The following SYNPO2 variants were observed in gnomAD, a reference collection of about 807,000 sequenced individuals.
The protein encoded by SYNPO2 is synaptopodin 2.
Under a neutral mutation model 85.0 loss-of-function variants are expected in SYNPO2, and 56 were observed. That is an observed-to-expected ratio of 0.66 (90% CI 0.53 to 0.82). The LOEUF (loss-of-function observed/expected upper bound fraction) is 0.82, where lower values mean the gene tolerates loss of function less well. Ranked by LOEUF, SYNPO2 falls within the 40% of genes least tolerant of loss-of-function variation. The pLI is 0.00. For synonymous variants in SYNPO2, 602 were observed against 591.1 expected, an observed-to-expected ratio of 1.02 and a Z score of -0.27; for missense variants, 1,575 against 1,534.2, an observed-to-expected ratio of 1.03 and a Z score of -0.44.
At position 119,030,486 on chromosome 4, in the gene SYNPO2, A is replaced by G; in HGVS notation, c.1711A>G (p.Ser571Gly). The G allele has an allele frequency of 6.2e-7, 1 of 1,614,100 alleles. No individual in the cohort carries two copies. ...LGHVPQQNGF[S>G]GTSETANIQR... is the part of the protein sequence containing the mutation. ...CCATGTTCCCCAACAGAATGGCTTC[A>G]GTGGGACATCTGAGACAGCAAACAT... is the stretch of plus-strand genomic sequence containing the variant. Residue 571 changes from serine (S) to glycine (G), a missense_variant, in exon 4 of 5, where the codon AGT becomes GGT. This residue lies in a region of SYNPO2 where 1,508 missense variants were observed against 1,446.8 expected (regional missense o/e 1.04). Coordinates refer to ENST00000307142, the MANE Select transcript of SYNPO2 (RefSeq NM_133477.3).
At chr4:118,903,913 TCA>T (rs1363767551) in intron 1 of SYNPO2, among the ~76,000 whole-genome samples, 1 of 152,112 alleles carries the variant, frequency 6.6e-6, no homozygotes, top group African/African-American at 2.4e-5. Flanking sequence ...ACAAGGGGTT[TCA>T]CCATGTTGGC....
In SYNPO2 at chr4:119,031,823, T is replaced by A. The variant is rs1219015608; in HGVS notation, c.3048T>A (p.Pro1016=). 1.2e-6 allele frequency: 2 copies of A among 1,614,080 alleles called. No individual in the cohort carries two copies. The highest frequency in any genetic ancestry group is 2.7e-5 in the African/African-American group (2 of 74,942). ...LPPRPVNAAS[P]TNVQASSVYS... is the part of the protein sequence containing the mutation. ...CCCGGCCAGTGAATGCTGCCTCACC[T>A]ACGAATGTGCAGGCTTCGTCAGTGT... Residue 1016 remains proline (P), a synonymous_variant, in exon 4 of 5, where the codon CCT becomes CCA. Coordinates refer to ENST00000307142, the MANE Select transcript of SYNPO2 (RefSeq NM_133477.3).
At chr4:118,914,637 A>G (rs1396900463) in intron 1 of SYNPO2, among the ~76,000 whole-genome samples, 1 of 152,132 alleles carries the variant, frequency 6.6e-6, no homozygotes, top group African/African-American at 2.4e-5. Context: ...GATGGAAGCC[A>G]CATAATAGTT....
chr4:118,925,512 A>G (rs1344239666), intron 1 of SYNPO2, among the ~76,000 whole-genome samples: 1 of 152,132 alleles, frequency 6.6e-6, no homozygotes, highest in East Asian at 1.9e-4. Flanking sequence ...CCAGGTCTGC[A>G]GAGCTTGTGA....
At chr4:118,907,868 C>T (rs1160741404) in intron 1 of SYNPO2, among the ~76,000 whole-genome samples, 1 of 152,140 alleles carries the variant, frequency 6.6e-6, no homozygotes, top group African/African-American at 2.4e-5. Flanking sequence ...TCACTCTTAC[C>T]TTCCATTCCA....
At chr4:118,879,250 T>G (rs1308156905) in intron 1 of SYNPO2, among the ~76,000 whole-genome samples, 1 of 152,194 alleles carries the variant, frequency 6.6e-6, no homozygotes, top group East Asian at 1.9e-4. Context: ...AGGGAGACCA[T>G]GAACCCACTG....
intron 1 of SYNPO2, among the ~76,000 whole-genome samples, chr4:118,978,517 T>G (rs1735877211): frequency 6.6e-6 from 1 of 152,190 alleles, no homozygotes; most frequent in Non-Finnish European, 1.5e-5. Context: ...TCGTCACCAG[T>G]TGGCTTATGA....
Position 118,913,563 on chromosome 4 carries a change from TTGTGTGTGTG to T in SYNPO2, c.105+24447_105+24456del, listed in dbSNP as rs10686830. ...TCTTGAGCCTTCTTTCATTTATTGTTTGTGTGTGTGTGTGTGTGTGTGTGTGTGTGTGTGC... is the reference window on the plus strand; with the variant it reads ...TCTTGAGCCTTCTTTCATTTATTGTTTGTGTGTGTGTGTGTGTGTGTGTGC... On this transcript the variant is annotated intron_variant, in intron 1 of 4. Transcript: ENST00000307142. 3.4e-3 allele frequency among the ~76,000 whole-genome samples: 498 copies of T among 147,378 alleles called. 8 individuals are homozygous for T. In the Middle Eastern group the frequency reaches 0.038, roughly 11 times the overall value.
At chr4:119,040,787 C>G (rs1371967445) in intron 4 of SYNPO2, among the ~76,000 whole-genome samples, 2 of 152,220 alleles carry the variant, frequency 1.3e-5, no homozygotes, top group Non-Finnish European at 1.5e-5. Context: ...ATCCCTGAGA[C>G]TACCCCACTT....
intron 1 of SYNPO2, among the ~76,000 whole-genome samples, chr4:118,890,733 C>CTCTCTCTCTCTCTCTCTCTCTCTCTCTG (rs749295331): frequency 4.6e-4 from 58 of 126,188 alleles, no homozygotes; most frequent in African/African-American, 1.5e-3. Context: ...CTCTCTCTCT[C>CTCTCTCTCTCTCTCTCTCTCTCTCTCTG]TGTGTGTGTG....
rs184766676 is a variant in SYNPO2, at chr4:118,974,154, C to G, written c.106-49276C>G. Among the ~76,000 whole-genome samples the G allele has an allele frequency of 6.5e-4, 99 of 152,252 alleles. 2 individuals carry two copies. The highest frequency in any genetic ancestry group is 6.1e-3 in the Admixed American group (94 of 15,298). On this transcript the variant is annotated intron_variant, in intron 1 of 4. Transcript: ENST00000307142. ...AAGAAAAGAGGCATTTCTACAACAC[C>G]TTTAGTGGGAGAGTAAATTTTAGTG...
At chr4:119,015,851 A>G (rs1296378690) in intron 1 of SYNPO2, among the ~76,000 whole-genome samples, 1 of 152,060 alleles carries the variant, frequency 6.6e-6, no homozygotes, top group African/African-American at 2.4e-5. Context: ...CAATCTTCTG[A>G]GCCTTTTTGT....
rs187210809 is a variant in SYNPO2, at chr4:119,034,260, C to T, written c.3252+2233C>T. 324 of 985,362 alleles carry T rather than the reference C, an allele frequency of 3.3e-4. No homozygotes were observed. In the African/African-American group the frequency reaches 5.1e-3, roughly 15 times the overall value. 61.0% of individuals were successfully genotyped at this position (985,362 alleles called of 1,614,324 possible). A position where few individuals can be genotyped will look rare whatever the true frequency, so the allele number is the denominator to read the frequency against. On this transcript the variant is annotated intron_variant, in intron 4 of 4. Transcript: ENST00000307142. ...CATTCTTAACATAGCATTTAAAGAG[C>T]GGCATGAATTAGAGGAAAGACATGG...
At chr4:118,901,917 A>G (rs1365367677) in intron 1 of SYNPO2, among the ~76,000 whole-genome samples, 1 of 152,220 alleles carries the variant, frequency 6.6e-6, no homozygotes, top group Non-Finnish European at 1.5e-5. Context: ...TGTAGATGAA[A>G]ATAAATGTAG....
chr4:119,034,465 G>A, intron 4 of SYNPO2: 1 of 985,430 alleles, frequency 1.0e-6, no homozygotes, highest in Non-Finnish European at 1.2e-6. Flanking sequence ...GATAACTAAA[G>A]ATGCAAATAA....
chr4:118,871,883 A>G (rs1306609984), intron 1 of SYNPO2, among the ~76,000 whole-genome samples: 1 of 152,208 alleles, frequency 6.6e-6, no homozygotes, highest in Non-Finnish European at 1.5e-5. Context: ...ATCAATTGTT[A>G]AGTGAATGAC....
At chr4:118,864,850 C>T (rs1053462162) in intron 1 of SYNPO2, among the ~76,000 whole-genome samples, 4 of 152,110 alleles carry the variant, frequency 2.6e-5, no homozygotes, top group South Asian at 2.1e-4. Context: ...ATAGATGAAA[C>T]GTGTTTTTTG....
intron 1 of SYNPO2, among the ~76,000 whole-genome samples, chr4:118,851,219 T>C (rs1731415057): frequency 6.6e-6 from 1 of 152,104 alleles, no homozygotes; most frequent in South Asian, 2.1e-4. Context: ...AATTACATTA[T>C]TTAAGACAGT....
chr4:118,891,319 C>T (rs375824980), intron 1 of SYNPO2, among the ~76,000 whole-genome samples: 4 of 152,090 alleles, frequency 2.6e-5, no homozygotes, highest in Admixed American at 6.5e-5. Context: ...GGAAGTTTGC[C>T]TTAATTTTTG....
Sources: gnomAD v4.1 joint callset for allele counts (sites outside exome capture counted in the v4.1 genomes callset) on GRCh38, gnomAD v4.1.1 for gene constraint, gnomAD v4.1.1 regional missense constraint, MANE v1.5 for transcripts, NCBI Gene and HGNC (gene_info 2026-07-23, HGNC 2026-07-21) for gene names.